The following OTUD7B variants were observed in gnomAD, a reference collection of about 807,000 sequenced individuals.
The protein encoded by OTUD7B is OTU deubiquitinase 7B.
OTUD7B carries 34 observed loss-of-function variants against 82.2 expected under a neutral mutation model. The observed-to-expected ratio is 0.41, with a 90% CI of 0.31 to 0.55. The LOEUF (loss-of-function observed/expected upper bound fraction) is 0.55, where lower values mean the gene tolerates loss of function less well. Ranked by LOEUF, OTUD7B falls within the 20% of genes least tolerant of loss-of-function variation. OTUD7B has a pLI of 0.20. For missense variants in OTUD7B, 944 were observed against 1,062.1 expected (o/e 0.89, Z 1.55); for synonymous variants, 398 against 402.7 (o/e 0.99, Z 0.14).
At chr1:150,060,222 CTG>C in the OTUD7B span, among the ~76,000 whole-genome samples, 1 of 152,212 alleles carries the variant, frequency 6.6e-6, no homozygotes, top group Non-Finnish European at 1.5e-5. Flanking sequence ...AGGTGATGAA[CTG>C]TGTCCCTGCA....
Position 149,944,046 on chromosome 1 carries a change from C to A in OTUD7B, c.2343G>T (p.Glu781Asp), listed in dbSNP as rs782141797. Residue 781 changes from glutamate to aspartate, a missense_variant, in exon 12 of 12, where the codon GAG becomes GAT. Physicochemically the swap from Glu to Asp is conservative, Grantham distance 45. Transcript: ENST00000581312. Reference sequence around the variant, plus strand: ...CAGCCCATCCATCTGGCTCAGGGGGCTCTCTGTAGCCATTGCTATAGGAAT... The same window carrying A: ...CAGCCCATCCATCTGGCTCAGGGGGATCTCTGTAGCCATTGCTATAGGAAT... ...VADSYSNGYR[E>D]PPEPDGWAGG... is the part of the protein sequence containing the mutation. The A allele has an allele frequency of 1.2e-6, 2 of 1,614,204 alleles. No individual in the cohort carries two copies. Among genetic ancestry groups the A allele is most frequent in the South Asian group, 2.2e-5 (2 of 91,084 alleles).
intron 1 of OTUD7B, among the ~76,000 whole-genome samples, chr1:149,981,792 T>C (rs1273635507): frequency 6.6e-6 from 1 of 152,238 alleles, no homozygotes. Context: ...CCAGACCATC[T>C]TGAAGTAATG....
In OTUD7B at chr1:149,949,101, T is replaced by C. The variant is rs1647987736; in HGVS notation, c.1124-18A>G. 1 of 1,448,080 alleles carries C rather than the reference T, an allele frequency of 6.9e-7. No individual in the cohort carries two copies. The highest frequency in any genetic ancestry group is 1.4e-5 in the African/African-American group (1 of 71,760). 89.7% of individuals were successfully genotyped at this position (1,448,080 alleles called of 1,614,324 possible). ...GATCACAGCTGGAGAGGAAGAAACA[T>C]ATCATCAAGGAATCTCCTTAAGAGA... On this transcript the variant is annotated intron_variant, in intron 9 of 11. Coordinates refer to ENST00000581312, the MANE Select transcript of OTUD7B (RefSeq NM_020205.4).
chr1:150,008,115 CCT>C (rs1317014526), intron 1 of OTUD7B, among the ~76,000 whole-genome samples: 1 of 152,190 alleles, frequency 6.6e-6, no homozygotes, highest in Non-Finnish European at 1.5e-5. Flanking sequence ...AATAAAGCCT[CCT>C]GAGAACTAGG....
At chr1:150,062,520 T>C in the OTUD7B span, among the ~76,000 whole-genome samples, 2 of 152,190 alleles carry the variant, frequency 1.3e-5, no homozygotes, top group South Asian at 2.1e-4. Context: ...TGTTCTTTTC[T>C]ACCTGTGTTA....
chr1:149,959,091 A>G (rs1553775147), intron 7 of OTUD7B, among the ~76,000 whole-genome samples: 1 of 151,820 alleles, frequency 6.6e-6, no homozygotes, highest in Non-Finnish European at 1.5e-5. Context: ...GCGTGGTGGC[A>G]TGCATCTGTA....
chr1:150,031,627 C>T, the OTUD7B span, among the ~76,000 whole-genome samples: 5 of 152,046 alleles, frequency 3.3e-5, no homozygotes, highest in Non-Finnish European at 7.4e-5. Flanking sequence ...CAAGTCATAA[C>T]ATTTTGGTTT....
chr1:149,964,907 G>T (rs34663491), intron 5 of OTUD7B, among the ~76,000 whole-genome samples: 129,792 of 147,080 alleles, frequency 0.88, 57,944 homozygotes, highest in East Asian at 1. Context: ...TTTTTTTTTT[G>T]TAGACAGAGT....
intron 4 of OTUD7B, 48 bp downstream of exon 4, chr1:149,967,246 T>C: frequency 2.2e-6 from 3 of 1,343,672 alleles, no homozygotes; most frequent in Non-Finnish European, 2.1e-6. Context: ...AGGCTGCCTG[T>C]AGGTGGAGAG....
At chr1:149,973,982 G>A (rs587733230) in intron 2 of OTUD7B, among the ~76,000 whole-genome samples, 2 of 150,418 alleles carry the variant, frequency 1.3e-5, no homozygotes, top group East Asian at 2.0e-4. Context: ...TCAGCCTCCC[G>A]AGTAGCTAGG....
At chr1:150,015,349 A>AGTG (rs1228878052), upstream of OTUD7B, among the ~76,000 whole-genome samples, 1 of 139,736 alleles carries the variant, frequency 7.2e-6, no homozygotes, top group East Asian at 2.1e-4. Context: ...GCTGGAGTGC[A>AGTG]GTGGTGCAAT....
chr1:150,006,720 A>T (rs1652697328), intron 1 of OTUD7B, among the ~76,000 whole-genome samples: 1 of 152,212 alleles, frequency 6.6e-6, no homozygotes, highest in Non-Finnish European at 1.5e-5. Flanking sequence ...GCTCTTGAGG[A>T]GAATCCGGCC....
At chr1:150,002,499 C>A (rs781828003) in intron 1 of OTUD7B, among the ~76,000 whole-genome samples, 1 of 152,078 alleles carries the variant, frequency 6.6e-6, no homozygotes, top group Non-Finnish European at 1.5e-5. Context: ...TAGGAAAATA[C>A]CTCTATTCAC....
intron 1 of OTUD7B, among the ~76,000 whole-genome samples, chr1:149,992,463 A>T (rs1571710838): frequency 6.9e-5 from 6 of 87,244 alleles, no homozygotes; most frequent in South Asian, 4.5e-4. Context: ...TTTTGTGTGC[A>T]TGTGTTTTTT....
Position 149,944,987 on chromosome 1 carries a change from C to T in OTUD7B, c.1402G>A (p.Asp468Asn). Residue 468 changes from aspartate to asparagine, a missense_variant, in exon 12 of 12, where the codon GAC becomes AAC. Asp to Asn is a conservative substitution (Grantham distance 23). This residue lies in a region of OTUD7B where 530 missense variants were observed against 625.6 expected (regional missense o/e 0.85). Coordinates refer to ENST00000581312, the MANE Select transcript of OTUD7B (RefSeq NM_020205.4). ...GAACTGCTGCCAACTGACTCCTTGT[C>T]TGAGTCTCCAGACTCAGGAGTGGAC... ...PRSTPESGDS[D>N]KESVGSSSTS... 1.9e-6 allele frequency: 3 copies of T among 1,614,216 alleles called. No homozygotes were observed. The highest frequency in any genetic ancestry group is 1.7e-6 in the Non-Finnish European group (2 of 1,180,034).
the OTUD7B span, among the ~76,000 whole-genome samples, chr1:150,057,059 AT>A: frequency 6.6e-6 from 1 of 152,212 alleles, no homozygotes; most frequent in Non-Finnish European, 1.5e-5. Flanking sequence ...AATATCACCA[AT>A]GATAAGATAT....
the OTUD7B span, among the ~76,000 whole-genome samples, chr1:150,036,786 A>T: frequency 6.6e-6 from 1 of 152,234 alleles, no homozygotes; most frequent in Non-Finnish European, 1.5e-5. Flanking sequence ...GATTAAAATC[A>T]TTAGTTTTTC....
rs1442389002 is a variant in OTUD7B at position 149,941,976 on chromosome 1, T to A, written c.*1881A>T. 6.6e-6 allele frequency: 1 copy of A among 152,200 alleles called. No homozygotes were observed. The highest frequency in any genetic ancestry group is 1.5e-5 in the Non-Finnish European group (1 of 68,030). The allele number at this position is 152,200 out of a possible 1,614,324, so 9.4% of individuals were successfully genotyped here. ...CCTAAGAATTAATAGCCATAGGAAA[T>A]TATTAAATCAGATTTGGAAAATAGG... On this transcript the variant is annotated 3_prime_UTR_variant, in exon 12 of 12. Coordinates refer to ENST00000581312, the MANE Select transcript of OTUD7B (RefSeq NM_020205.4).
intron 1 of OTUD7B, among the ~76,000 whole-genome samples, chr1:150,006,079 C>A (rs1559869310): frequency 6.6e-6 from 1 of 152,166 alleles, no homozygotes; most frequent in Non-Finnish European, 1.5e-5. Context: ...CTCTCCCCAC[C>A]ATCAGGTAAT....
Sources: allele counts gnomAD v4.1 joint callset (sites outside exome capture counted in the v4.1 genomes callset), GRCh38; gene constraint gnomAD v4.1.1; regional missense constraint gnomAD v4.1.1; transcripts MANE v1.5; gene names NCBI Gene and HGNC (gene_info 2026-07-23, HGNC 2026-07-21).